ANKS1B: variants seen among roughly 807,000 people sequenced by gnomAD.
ANKS1B encodes the protein ankyrin repeat and sterile alpha motif domain-containing protein 1B.
A neutral mutation model predicts 148.3 loss-of-function variants in ANKS1B; 36 were observed. The ratio of observed to expected loss-of-function variants is 0.24; its 90% CI spans 0.19 to 0.32. The LOEUF is 0.32. ANKS1B is among the 10% of genes least tolerant of loss of function. The pLI is 1.00. For synonymous variants in ANKS1B, 542 were observed against 560.8 expected (o/e 0.97, Z 0.47); for missense variants, 1,157 against 1,542.6 (o/e 0.75, Z 4.19).
chr12:99,686,415 G>A (rs760335877), intron 8 of ANKS1B, among the ~76,000 whole-genome samples: 6 of 152,080 alleles, frequency 3.9e-5, no homozygotes, highest in South Asian at 2.1e-4. Flanking sequence ...ATGGTTTCTC[G>A]ACTTTGCTTC....
At chr12:98,826,547 C>A (rs536620070) in intron 19 of ANKS1B, among the ~76,000 whole-genome samples, 1 of 151,912 alleles carries the variant, frequency 6.6e-6, no homozygotes, top group South Asian at 2.1e-4. Flanking sequence ...AATTCCAAAT[C>A]ACTCTAATGG....
At chr12:99,094,495 CAAAT>C (rs1361325729) in intron 15 of ANKS1B, among the ~76,000 whole-genome samples, 1 of 152,006 alleles carries the variant, frequency 6.6e-6, no homozygotes, top group East Asian at 1.9e-4. Flanking sequence ...AAAAAATAAA[CAAAT>C]AAATAACAAC....
intron 3 of ANKS1B, 126 bp downstream of exon 3, chr12:99,812,028 CT>C: frequency 1.7e-6 from 2 of 1,182,144 alleles, no homozygotes; most frequent in Non-Finnish European, 1.1e-6. Flanking sequence ...CAAATTTCTC[CT>C]TTTAGGAAAT....
intron 1 of ANKS1B, among the ~76,000 whole-genome samples, chr12:99,962,688 C>T (rs1024642692): frequency 6.6e-6 from 1 of 152,172 alleles, no homozygotes; most frequent in Admixed American, 6.5e-5. Flanking sequence ...CTTCCTATTT[C>T]TCCACAGTCT....
intron 1 of ANKS1B, among the ~76,000 whole-genome samples, chr12:99,827,394 G>A (rs997443725): frequency 2.0e-5 from 3 of 151,848 alleles, no homozygotes; most frequent in Admixed American, 6.6e-5. Flanking sequence ...GGAGTAGAAC[G>A]GGGGAAATAA....
chr12:99,234,294 C>G (rs1463772699), intron 14 of ANKS1B, among the ~76,000 whole-genome samples: 2 of 152,066 alleles, frequency 1.3e-5, no homozygotes, highest in African/African-American at 4.8e-5. Context: ...TAACTTAGAC[C>G]ACTTAAATCA....
At chr12:99,618,083 T>A (rs1047859358) in intron 9 of ANKS1B, among the ~76,000 whole-genome samples, 5 of 152,156 alleles carry the variant, frequency 3.3e-5, no homozygotes, top group African/African-American at 1.2e-4. Flanking sequence ...TTTGGCTTCA[T>A]TTGTGCTTCT....
chr12:98,835,481 G>A (rs924238437), intron 17 of ANKS1B, among the ~76,000 whole-genome samples: 4 of 152,184 alleles, frequency 2.6e-5, no homozygotes, highest in African/African-American at 9.7e-5. Flanking sequence ...CAAATACACT[G>A]GAGCTTTGGA....
chr12:98,915,260 G>C (rs559999919), intron 17 of ANKS1B, among the ~76,000 whole-genome samples: 1 of 152,334 alleles, frequency 6.6e-6, no homozygotes, highest in Non-Finnish European at 1.5e-5. Flanking sequence ...TGTACAGGGA[G>C]AAGATGGCCA....
At chr12:99,640,915 T>C (rs995128118) in intron 9 of ANKS1B, among the ~76,000 whole-genome samples, 1 of 152,202 alleles carries the variant, frequency 6.6e-6, no homozygotes, top group Non-Finnish European at 1.5e-5. Flanking sequence ...ATAAAATCTT[T>C]ATTAGAAAAA....
At chr12:98,796,042 T>G (rs988878859) in intron 22 of ANKS1B, among the ~76,000 whole-genome samples, 31 of 152,326 alleles carry the variant, frequency 2.0e-4, no homozygotes, top group African/African-American at 7.5e-4. Flanking sequence ...TCGTCTATTA[T>G]GATCCCTTAG....
At chr12:99,917,212 T>C (rs1352328335) in intron 1 of ANKS1B, among the ~76,000 whole-genome samples, 13 of 152,216 alleles carry the variant, frequency 8.5e-5, no homozygotes, top group Admixed American at 8.5e-4. Context: ...CAAGGAGGTC[T>C]GAGAAGGAGG....
intron 14 of ANKS1B, among the ~76,000 whole-genome samples, chr12:99,241,702 G>A (rs1601978486): frequency 6.6e-6 from 1 of 152,254 alleles, no homozygotes; most frequent in East Asian, 1.9e-4. Context: ...TATCCACCAC[G>A]ATCAGATTGG....
intron 14 of ANKS1B, among the ~76,000 whole-genome samples, chr12:99,217,929 A>G (rs960540267): frequency 6.6e-6 from 1 of 152,158 alleles, no homozygotes; most frequent in African/African-American, 2.4e-5. Flanking sequence ...TGAATCTTCA[A>G]TTAAAACCCA....
chr12:99,766,382 T>C (rs2062647266), intron 8 of ANKS1B, among the ~76,000 whole-genome samples: 3 of 152,160 alleles, frequency 2.0e-5, no homozygotes, highest in Admixed American at 2.0e-4. Flanking sequence ...GAAAAATGAC[T>C]CTTTTATTCT....
chr12:98,892,738 G>A (rs184212850), intron 17 of ANKS1B, among the ~76,000 whole-genome samples: 1 of 152,292 alleles, frequency 6.6e-6, no homozygotes, highest in African/African-American at 2.4e-5. Flanking sequence ...ACACCATGCT[G>A]TATCTATATT....
At chr12:99,025,403 C>T (rs2099948166) in intron 17 of ANKS1B, among the ~76,000 whole-genome samples, 1 of 152,160 alleles carries the variant, frequency 6.6e-6, no homozygotes, top group Non-Finnish European at 1.5e-5. Context: ...TTGAAAGAAT[C>T]ACATTTGTAC....
At chr12:99,695,680 G>A in intron 8 of ANKS1B, among the ~76,000 whole-genome samples, 1 of 152,100 alleles carries the variant, frequency 6.6e-6, no homozygotes, top group Non-Finnish European at 1.5e-5. Context: ...GCTGAACAAT[G>A]AGAATACACG....
At chr12:99,871,765 T>C (rs954467512) in intron 1 of ANKS1B, among the ~76,000 whole-genome samples, 4 of 152,164 alleles carry the variant, frequency 2.6e-5, no homozygotes, top group Admixed American at 6.6e-5. Context: ...ATTGATTTCA[T>C]ATCCTGAAAC....
Sources: gnomAD v4.1 joint callset for allele counts (sites outside exome capture counted in the v4.1 genomes callset) on GRCh38, gnomAD v4.1.1 for gene constraint, MANE v1.5 for transcripts, NCBI Gene and HGNC (gene_info 2026-07-23, HGNC 2026-07-21) for gene names.